TPRG1: variants seen among roughly 807,000 people sequenced by gnomAD.
TPRG1 encodes the protein tumor protein p63 regulated 1, also known as tumor protein p63-regulated gene 1 protein.
A neutral mutation model predicts 29.3 loss-of-function variants in TPRG1; 29 were observed. The ratio of observed to expected loss-of-function variants is 0.99; its 90% CI spans 0.74 to 1.35. The LOEUF (loss-of-function observed/expected upper bound fraction) is 1.35, where lower values mean the gene tolerates loss of function less well. TPRG1 is among the 40% of genes most tolerant of loss of function. The pLI is 0.00. For missense variants in TPRG1, 327 were observed against 335.0 expected (o/e 0.98, Z 0.19); for synonymous variants, 130 against 116.8 (o/e 1.11, Z -0.73).
chr3:189,026,364 A>T (rs945890109), intron 4 of TPRG1, among the ~76,000 whole-genome samples: 2 of 152,192 alleles, frequency 1.3e-5, no homozygotes, highest in Non-Finnish European at 2.9e-5. Context: ...TTCAGATCTC[A>T]TTTAACCTTA....
chr3:189,284,838 A>G (rs1717776451), intron 4 of TPRG1, among the ~76,000 whole-genome samples: 2 of 152,272 alleles, frequency 1.3e-5, no homozygotes, highest in Admixed American at 6.5e-5. Flanking sequence ...TAAAAACCCT[A>G]GAAGAAAACC....
At chr3:189,103,011 T>C (rs1719381836) in intron 1 of TPRG1, among the ~76,000 whole-genome samples, 1 of 152,178 alleles carries the variant, frequency 6.6e-6, no homozygotes, top group Non-Finnish European at 1.5e-5. Flanking sequence ...TCTTGATGCC[T>C]GTGGTTTATT....
chr3:189,237,387 G>C (rs1739684110), intron 3 of TPRG1, among the ~76,000 whole-genome samples: 2 of 152,168 alleles, frequency 1.3e-5, no homozygotes, highest in Middle Eastern at 3.4e-3. Context: ...CAGTATTGTG[G>C]TGTATATTCT....
At chr3:189,045,092 ATTT>A (rs1454482746) in intron 4 of TPRG1, among the ~76,000 whole-genome samples, 1 of 152,212 alleles carries the variant, frequency 6.6e-6, no homozygotes, top group Non-Finnish European at 1.5e-5. Flanking sequence ...TAGAGAGTTT[ATTT>A]AACTGTGCCC....
rs1261330294 is a variant in TPRG1 at position 189,312,105 on chromosome 3, GTTTCTTTCTTTGTTTC to G, written c.633+1578_633+1593del. Among the ~76,000 whole-genome samples, 474 of 70,860 alleles carry G rather than the reference GTTTCTTTCTTTGTTTC, an allele frequency of 6.7e-3. 9 individuals carry two copies. Among genetic ancestry groups the G allele is most frequent in the African/African-American group, 0.027 (442 of 16,544 alleles). The allele number at this position is 70,860 out of a possible 152,430, so 46.5% of individuals were successfully genotyped here. A position where few individuals can be genotyped will look rare whatever the true frequency, so the allele number is the denominator to read the frequency against. ...TGTTTCTTTCTTTCTTTGTTTCTTT[GTTTCTTTCTTTGTTTC>G]TTTCTTTCTTTCTTTCTTTCTTTCT... is the stretch of plus-strand genomic sequence containing the variant. On this transcript the variant is annotated intron_variant, in intron 5 of 5. Transcript: ENST00000345063.
intron 1 of TPRG1, among the ~76,000 whole-genome samples, chr3:189,195,995 G>A (rs1406495418): frequency 6.6e-6 from 1 of 152,078 alleles, no homozygotes; most frequent in East Asian, 1.9e-4. Context: ...AGTGCTAGGG[G>A]GCTTCTAGCC....
At chr3:189,173,030 G>A (rs1729014566) in intron 1 of TPRG1, among the ~76,000 whole-genome samples, 2 of 152,194 alleles carry the variant, frequency 1.3e-5, no homozygotes, top group South Asian at 4.1e-4. Context: ...TCTTGTGACA[G>A]CTATCATAGT....
chr3:189,138,863 T>C (rs1724132264), intron 3 of TPRG1, among the ~76,000 whole-genome samples: 1 of 152,042 alleles, frequency 6.6e-6, no homozygotes. Context: ...GGGACAAGCA[T>C]GTAATAAAGG....
At chr3:189,279,282 C>T (rs944182539) in intron 4 of TPRG1, among the ~76,000 whole-genome samples, 3 of 151,992 alleles carry the variant, frequency 2.0e-5, no homozygotes, top group Non-Finnish European at 4.4e-5. Context: ...TCTTGGTGGG[C>T]CCTATTCTAT....
chr3:189,242,421 A>G (rs1248043115), intron 4 of TPRG1, among the ~76,000 whole-genome samples: 2 of 152,068 alleles, frequency 1.3e-5, no homozygotes, highest in Admixed American at 6.6e-5. Flanking sequence ...TCTTATTTTT[A>G]TTAAGATTTT....
At chr3:189,188,178 T>A (rs368934570) in intron 1 of TPRG1, among the ~76,000 whole-genome samples, 1 of 152,208 alleles carries the variant, frequency 6.6e-6, no homozygotes, top group East Asian at 1.9e-4. Flanking sequence ...AGAGAACAGA[T>A]GCATTTCAAG....
chr3:189,267,517 G>C (rs1057029444), intron 4 of TPRG1: 3 of 152,190 alleles, frequency 2.0e-5, no homozygotes, highest in Non-Finnish European at 4.4e-5. Context: ...GTTTTTAGTG[G>C]TGGGAACTGT....
In TPRG1 at chr3:189,019,614, T is replaced by C. The variant is rs1713173477; in HGVS notation, c.-659-4136T>C. The stretch of plus-strand genomic sequence containing the variant: ...ATCATGATGGATAAGCTTTTTGATG[T>C]GCTGCTGGATTTGTTTTGCCAGTAT... On this transcript the variant is annotated intron_variant, in intron 3 of 10. Coordinates refer to the TPRG1 transcript ENST00000433971. Among the ~76,000 whole-genome samples the C allele has an allele frequency of 5.3e-5, 8 of 152,338 alleles. No homozygotes were observed. The South Asian group carries it at 1.7e-3, about 32-fold the overall frequency.
intron 4 of TPRG1, among the ~76,000 whole-genome samples, chr3:189,273,779 C>G (rs1332110573): frequency 1.3e-5 from 2 of 152,148 alleles, no homozygotes; most frequent in African/African-American, 2.4e-5. Context: ...CACTCTACCC[C>G]TCTTCCAAGC....
chr3:189,320,945 AT>A lies in TPRG1; in HGVS notation c.*128del. 1 of 961,934 alleles carries A rather than the reference AT, an allele frequency of 1.0e-6. No individual in the cohort carries two copies. The allele number at this position is 961,934 out of a possible 1,614,324, so 59.6% of individuals were successfully genotyped here. A position where few individuals can be genotyped will look rare whatever the true frequency, so the allele number is the denominator to read the frequency against. On this transcript the variant is annotated 3_prime_UTR_variant, in exon 6 of 6. Coordinates refer to ENST00000345063, the MANE Select transcript of TPRG1 (RefSeq NM_198485.4). ...TTAAATGACGCTTTATGATTTAGAA[AT>A]TTAGTATTTCCGAAAATTTAAAAGC...
chr3:189,206,046 T>TCCTTCCTTCCTTCCTTCCTTCCTC (rs60083664), intron 1 of TPRG1, among the ~76,000 whole-genome samples: 1 of 150,016 alleles, frequency 6.7e-6, no homozygotes, highest in Non-Finnish European at 1.5e-5. Flanking sequence ...CTTCCTTCCT[T>TCCTTCCTTCCTTCCTTCCTTCCTC]TCTTCTGTCT....
At chr3:189,059,604 A>C (rs1480904409) in intron 4 of TPRG1, among the ~76,000 whole-genome samples, 1 of 152,024 alleles carries the variant, frequency 6.6e-6, no homozygotes, top group East Asian at 1.9e-4. Flanking sequence ...AAAAACAAAA[A>C]CAAAAACAAA....
At chr3:189,104,591 C>G (rs1469566405) in intron 1 of TPRG1, among the ~76,000 whole-genome samples, 1 of 151,824 alleles carries the variant, frequency 6.6e-6, no homozygotes, top group Non-Finnish European at 1.5e-5. Context: ...CGATTTGTAC[C>G]TATAAGAGAC....
chr3:189,022,815 C>T (rs1713416868), intron 3 of TPRG1, among the ~76,000 whole-genome samples: 1 of 152,236 alleles, frequency 6.6e-6, no homozygotes, highest in Non-Finnish European at 1.5e-5. Context: ...TGGCGGGCGC[C>T]CCTCCCCCAG....
Sources: gnomAD v4.1 joint callset for allele counts (sites outside exome capture counted in the v4.1 genomes callset) on GRCh38, gnomAD v4.1.1 for gene constraint, MANE v1.5 for transcripts, NCBI Gene and HGNC (gene_info 2026-07-23, HGNC 2026-07-21) for gene names.